The following LAG3 variants were observed in gnomAD, a reference collection of about 807,000 sequenced individuals.
LAG3 encodes the protein lymphocyte activating 3.
In LAG3, 29 loss-of-function variants were observed where a neutral mutation model predicts 49.0. The observed-to-expected ratio is 0.59, with a 90% CI of 0.44 to 0.81. The LOEUF is 0.81. Among genes scored for constraint, LAG3 ranks in the 30% least tolerant of loss-of-function variants. The probability of loss-of-function intolerance (pLI) is 0.00; values close to 1 mark genes in which losing one functional copy is unlikely to be tolerated. For synonymous variants in LAG3, 320 were observed against 297.3 expected (o/e 1.08, Z -0.79); for missense variants, 693 against 695.2 (o/e 1.00, Z 0.04).
Position 6,773,033 on chromosome 12 carries a change from G to T in LAG3, c.58+123G>T. The T allele has an allele frequency of 7.3e-7, 1 of 1,373,732 alleles. No homozygotes were observed. The highest frequency in any genetic ancestry group is 1.0e-6 in the Non-Finnish European group (1 of 983,232). The allele number at this position is 1,373,732 out of a possible 1,614,324, so 85.1% of individuals were successfully genotyped here. On this transcript the variant is annotated intron_variant, in intron 1 of 7. Coordinates refer to ENST00000203629, the MANE Select transcript of LAG3 (RefSeq NM_002286.6). The surrounding 1 kb of genome is among the most constrained non-coding windows in gnomAD (Gnocchi z 5.5). ...TGGATTCTTCTAATCCCTTTTTTGG[G>T]CAGTCCTTCCACCCCGAAAGCCTCT...
intron 3 of LAG3, among the ~76,000 whole-genome samples, 167 bp from the exon 4 acceptor site, chr12:6,774,428 A>G (rs1232904493): frequency 6.6e-6 from 1 of 152,166 alleles, no homozygotes; most frequent in Non-Finnish European, 1.5e-5. Flanking sequence ...GATCCACTTT[A>G]TGCACCTCCA....
At position 6,774,620 on chromosome 12, in the gene LAG3, C is replaced by G; in HGVS notation, c.537C>G (p.Leu179=). 1 of 1,614,034 alleles carries G rather than the reference C, an allele frequency of 6.2e-7. No homozygotes were observed. The highest frequency in any genetic ancestry group is 8.5e-7 in the Non-Finnish European group (1 of 1,179,964). The change falls in exon 4 of 8, where the codon CTC becomes CTG. Residue 179 remains leucine, a synonymous_variant. Coordinates refer to ENST00000203629, the MANE Select transcript of LAG3 (RefSeq NM_002286.6). The part of the protein sequence containing the change: ...ASMTASPPGS[L]RASDWVILNC... ...TGACTGCCAGCCCCCCAGGATCTCT[C>G]AGAGCCTCCGACTGGGTCATTTTGA...
Position 6,777,504 on chromosome 12 carries a change from C to G in LAG3, c.1298C>G (p.Pro433Arg). The G allele has an allele frequency of 6.2e-7, 1 of 1,612,904 alleles. No individual in the cohort carries two copies. Among genetic ancestry groups the G allele is most frequent in the East Asian group, 2.2e-5 (1 of 44,864 alleles). ...GTGTACTTCACAGAGCTGTCTAGCC[C>G]AGGTCCGAGGCCCCAGAATGCCAGG... ...AAVYFTELSS[P>R]GAQRSGRAPG... Residue 433 changes from proline to arginine, a missense_variant and splice_region_variant, in exon 6 of 8, where the codon CCA (proline) becomes CGA (arginine). Transcript: ENST00000203629.
chr12:6,773,245 G>T lies in LAG3; in HGVS notation c.112G>T (p.Ala38Ser), dbSNP rs751673910. The T allele has an allele frequency of 1.9e-6, 3 of 1,612,584 alleles. No individual in the cohort carries two copies. Among genetic ancestry groups the T allele is most frequent in the Non-Finnish European group, 1.7e-6 (2 of 1,179,430 alleles). ...EVPVVWAQEG[A>S]PAQLPCSPTI... ...CCCGGTGGTGTGGGCCCAGGAGGGG[G>T]CTCCTGCCCAGCTCCCCTGCAGCCC... Residue 38 changes from alanine (A) to serine (S), a missense_variant, in exon 2 of 8, where the codon GCT (alanine) becomes TCT (serine). Ala to Ser is a moderately conservative substitution (Grantham distance 99). Coordinates refer to ENST00000203629, the MANE Select transcript of LAG3 (RefSeq NM_002286.6). The surrounding 1 kb of genome is among the most constrained non-coding windows in gnomAD (Gnocchi z 5.5).
Position 6,773,198 on chromosome 12 carries a change from C to T in LAG3, c.65C>T (p.Pro22Leu). The change falls in exon 2 of 8, where the codon CCT (proline) becomes CTT (leucine). Residue 22 changes from proline to leucine, a missense_variant. Physicochemically the swap from Pro to Leu is moderately conservative, Grantham distance 98. Coordinates refer to ENST00000203629, the MANE Select transcript of LAG3 (RefSeq NM_002286.6). The surrounding 1 kb of genome is among the most constrained non-coding windows in gnomAD (Gnocchi z 5.5). ...CTCTCTTTTGCTCACCTAGTGAAGC[C>T]TCTCCAGCCAGGGGCTGAGGTCCCG... ...LQPLWVAPVKPLQPGAEVPVV... is the reference protein window; with the variant it reads ...LQPLWVAPVKLLQPGAEVPVV... The T allele has an allele frequency of 6.2e-7, 1 of 1,610,664 alleles. No homozygotes were observed. The highest frequency in any genetic ancestry group is 8.5e-7 in the Non-Finnish European group (1 of 1,178,808).
At chr12:6,777,590 C>T (rs1301723741) in intron 6 of LAG3, 84 bp downstream of exon 6, 4 of 1,527,254 alleles carry the variant, frequency 2.6e-6, no homozygotes, top group African/African-American at 2.8e-5. Flanking sequence ...CCACCCCCAT[C>T]CCAGCGCTTT....
chr12:6,774,086 A>G (rs1941875811), intron 3 of LAG3, 85 bp downstream of exon 3: 1 of 1,358,802 alleles, frequency 7.4e-7, no homozygotes, highest in Non-Finnish European at 9.4e-7. Context: ...GCTGGGGCAG[A>G]GGCTGCGCCC....
At chr12:6,774,998 C>T (rs1941890268) in intron 4 of LAG3, 134 bp downstream of exon 4, 10 of 952,154 alleles carry the variant, frequency 1.1e-5, no homozygotes, top group South Asian at 3.2e-5. Flanking sequence ...TCTCACTGTT[C>T]GACCCCTTTA....
chr12:6,776,373 T>A (rs1941907990), intron 5 of LAG3, among the ~76,000 whole-genome samples: 2 of 152,112 alleles, frequency 1.3e-5, no homozygotes, highest in African/African-American at 2.4e-5. Flanking sequence ...CCTCTCTACA[T>A]CCCATCAGTC....
Position 6,772,879 on chromosome 12 carries a change from G to T in LAG3, c.27G>T (p.Leu9Phe). The T allele has an allele frequency of 6.2e-7, 1 of 1,613,340 alleles. No homozygotes were observed. Among genetic ancestry groups the T allele is most frequent in the Non-Finnish European group, 8.5e-7 (1 of 1,179,916 alleles). ...TGTGGGAGGCTCAGTTCCTGGGCTT[G>T]CTGTTTCTGCAGCCGCTTTGGGTGG... MWEAQFLGLLFLQPLWVAP... is the reference protein window; with the variant it reads MWEAQFLGFLFLQPLWVAP... The change falls in exon 1 of 8, where the codon TTG (leucine) becomes TTT (phenylalanine). Residue 9 changes from leucine to phenylalanine, a missense_variant. By Grantham distance (22) the Leu-to-Phe change is conservative (BLOSUM62 0). Coordinates refer to ENST00000203629, the MANE Select transcript of LAG3 (RefSeq NM_002286.6).
In LAG3 at chr12:6,772,664, A is replaced by C; in HGVS notation, c.-189A>C. ...GCCCAGCTTTCCAGCTTTCCTCTGGATTCCGGCCTCTGGTCATCCCTCCCC... is the reference window on the plus strand; with the variant it reads ...GCCCAGCTTTCCAGCTTTCCTCTGGCTTCCGGCCTCTGGTCATCCCTCCCC... On this transcript the variant is annotated 5_prime_UTR_variant, in exon 1 of 8. Transcript: ENST00000203629. 1 of 410,428 alleles carries C rather than the reference A, an allele frequency of 2.4e-6. No homozygotes were observed. Among genetic ancestry groups the C allele is most frequent in the South Asian group, 3.9e-5 (1 of 25,502 alleles). The allele number at this position is 410,428 out of a possible 1,614,324, so 25.4% of individuals were successfully genotyped here. A position where few individuals can be genotyped will look rare whatever the true frequency, so the allele number is the denominator to read the frequency against.
intron 1 of LAG3, 24 bp downstream of exon 1, chr12:6,772,934 T>C (rs1257422147): frequency 3.7e-6 from 6 of 1,610,688 alleles, no homozygotes; most frequent in Non-Finnish European, 5.1e-6. Context: ...GGCGGGAGGG[T>C]TGACCTCCAG....
In LAG3 at chr12:6,773,671, T is replaced by C. The variant is rs1941868513; in HGVS notation, c.207-26T>C. 7.3e-7 allele frequency: 1 copy of C among 1,366,448 alleles called. No individual in the cohort carries two copies. Among genetic ancestry groups the C allele is most frequent in the East Asian group, 2.9e-5 (1 of 34,114 alleles). 84.6% of individuals were successfully genotyped at this position (1,366,448 alleles called of 1,614,324 possible). A position where few individuals can be genotyped will look rare whatever the true frequency, so the allele number is the denominator to read the frequency against. On this transcript the variant is annotated intron_variant, in intron 2 of 7. Transcript: ENST00000203629. This position sits in a 1 kb window ranked among gnomAD's most constrained non-coding sequence, Gnocchi z 5.5. Reference sequence around the variant, plus strand: ...CCGGGCTTCCTACCCCTGGAGCTTCTCAACTCCATTCTCTTTCCCGCCCAG... The same window carrying C: ...CCGGGCTTCCTACCCCTGGAGCTTCCCAACTCCATTCTCTTTCCCGCCCAG...
At chr12:6,774,143 C>T (rs1053524819) in intron 3 of LAG3, 142 bp downstream of exon 3, 8 of 1,287,624 alleles carry the variant, frequency 6.2e-6, no homozygotes, top group South Asian at 4.3e-5. Flanking sequence ...AGGGGGTGGG[C>T]GGCCTGCTGG....
chr12:6,777,221 G>A, intron 5 of LAG3, 43 bp from the exon 6 acceptor site: 7 of 1,612,176 alleles, frequency 4.3e-6, no homozygotes, highest in Non-Finnish European at 5.9e-6. Context: ...ATCACGTAAG[G>A]GGGGCAGAAT....
intron 4 of LAG3, 129 bp from the exon 5 acceptor site, chr12:6,775,144 A>G (rs1489664324): frequency 9.2e-7 from 1 of 1,091,956 alleles, no homozygotes; most frequent in Non-Finnish European, 1.3e-6. Context: ...TCATCACCTT[A>G]TTCTGCTCCT....
Position 6,777,370 on chromosome 12 carries a change from A to G in LAG3, c.1164A>G (p.Pro388=). ...TTGTGTGGAGCTCTCTGGACACCCC[A>G]TCCCAGAGGAGTTTCTCAGGACCTT... ...ERFVWSSLDT[P]SQRSFSGPWL... The change falls in exon 6 of 8, where the codon CCA becomes CCG. Residue 388 remains proline, a synonymous_variant. Coordinates refer to ENST00000203629, the MANE Select transcript of LAG3 (RefSeq NM_002286.6). 6.2e-7 allele frequency: 1 copy of G among 1,614,218 alleles called. No homozygotes were observed. Among genetic ancestry groups the G allele is most frequent in the Non-Finnish European group, 8.5e-7 (1 of 1,180,038 alleles).
At position 6,773,367 on chromosome 12, in the gene LAG3, A is replaced by G; in HGVS notation, c.206+28A>G. ...ATGCACCCCAAACTTGGGCAACAGG[A>G]CCTCCGAATCCAGCACTCAACCCCA... On this transcript the variant is annotated intron_variant, in intron 2 of 7. Transcript: ENST00000203629. This position sits in a 1 kb window ranked among gnomAD's most constrained non-coding sequence, Gnocchi z 5.5. The G allele has an allele frequency of 6.8e-6, 11 of 1,610,716 alleles. No individual in the cohort carries two copies. The highest frequency in any genetic ancestry group is 9.3e-6 in the Non-Finnish European group (11 of 1,179,166).
Position 6,773,167 on chromosome 12 carries a change from C to T in LAG3, c.59-25C>T, listed in dbSNP as rs1941862340. The T allele has an allele frequency of 6.3e-7, 1 of 1,599,048 alleles. No homozygotes were observed. Among genetic ancestry groups the T allele is most frequent in the South Asian group, 1.1e-5 (1 of 89,700 alleles). On this transcript the variant is annotated intron_variant, in intron 1 of 7. Transcript: ENST00000203629. The surrounding 1 kb of genome is among the most constrained non-coding windows in gnomAD (Gnocchi z 5.5). Reference sequence around the variant, plus strand: ...TGCCTCTCGGCTCACGCCCCCTCCCCTTGGCCTCTCTTTTGCTCACCTAGT... The same window carrying T: ...TGCCTCTCGGCTCACGCCCCCTCCCTTTGGCCTCTCTTTTGCTCACCTAGT...
Sources: gnomAD v4.1 joint callset for allele counts (sites outside exome capture counted in the v4.1 genomes callset) on GRCh38, gnomAD v4.1.1 for gene constraint, Gnocchi (gnomAD v3.1) non-coding constraint, MANE v1.5 for transcripts, NCBI Gene and HGNC (gene_info 2026-07-23, HGNC 2026-07-21) for gene names.